Variants in TBC1D31 observed in about 807,000 individuals in gnomAD.
TBC1D31 encodes the protein TBC1 domain family member 31.
Under a neutral mutation model 132.9 loss-of-function variants are expected in TBC1D31, and 99 were observed. The observed-to-expected ratio is 0.74, with a 90% CI of 0.63 to 0.88. The LOEUF (loss-of-function observed/expected upper bound fraction) is 0.88, where lower values mean the gene tolerates loss of function less well. TBC1D31 is among the 40% of genes least tolerant of loss of function. TBC1D31 has a pLI of 0.00. For missense variants in TBC1D31, 1,134 were observed against 1,256.6 expected (o/e 0.90, Z 1.48); for synonymous variants, 385 against 419.4 (o/e 0.92, Z 1.00).
At chr8:123,120,915 T>C (rs929456581) in intron 11 of TBC1D31, among the ~76,000 whole-genome samples, 3 of 152,042 alleles carry the variant, frequency 2.0e-5, no homozygotes, top group Non-Finnish European at 4.4e-5. Flanking sequence ...AATGTGCATG[T>C]ACTAGTTTAA....
intron 10 of TBC1D31, among the ~76,000 whole-genome samples, chr8:123,112,002 C>T (rs767288723): frequency 2.0e-5 from 3 of 152,098 alleles, no homozygotes; most frequent in Non-Finnish European, 4.4e-5. Flanking sequence ...AGGTATGCAC[C>T]GCCATGCCTG....
At chr8:123,139,122 T>TG (rs1490211625) in intron 17 of TBC1D31, among the ~76,000 whole-genome samples, 1 of 151,856 alleles carries the variant, frequency 6.6e-6, no homozygotes, top group Non-Finnish European at 1.5e-5. Context: ...TTTCTTGTTT[T>TG]TTTTTTTTTT....
intron 4 of TBC1D31, among the ~76,000 whole-genome samples, chr8:123,087,365 G>A (rs909671758): frequency 7.2e-5 from 11 of 151,984 alleles, no homozygotes; most frequent in African/African-American, 2.7e-4. Context: ...TAATTTCTAG[G>A]TTATTAACAT....
chr8:123,119,482 G>A lies in TBC1D31; in HGVS notation c.1437-573G>A, dbSNP rs138802280. Among the ~76,000 whole-genome samples, 462 of 152,276 alleles carry A rather than the reference G, an allele frequency of 3.0e-3. 1 individual carries two copies. Among genetic ancestry groups the A allele is most frequent in the African/African-American group, 1.0e-2 (414 of 41,548 alleles). On this transcript the variant is annotated intron_variant, in intron 10 of 21. Coordinates refer to ENST00000287380, the MANE Select transcript of TBC1D31 (RefSeq NM_145647.4). ...TCCCAGCACTTTGGGAAGCTGAGGCGGGAAGATCGCTTGAGCCCAGGAGTT... is the reference window on the plus strand; with the variant it reads ...TCCCAGCACTTTGGGAAGCTGAGGCAGGAAGATCGCTTGAGCCCAGGAGTT...
At chr8:123,075,710 A>T (rs1814439810) in intron 1 of TBC1D31, among the ~76,000 whole-genome samples, 1 of 152,158 alleles carries the variant, frequency 6.6e-6, no homozygotes, top group African/African-American at 2.4e-5. Context: ...CTCAAAAAAA[A>T]AAATAAAACA....
chr8:123,161,234 C>T, the TBC1D31 span, among the ~76,000 whole-genome samples: 1 of 152,208 alleles, frequency 6.6e-6, no homozygotes, highest in African/African-American at 2.4e-5. Flanking sequence ...GCCCTCAGGC[C>T]CCTCTGTAGA....
At chr8:123,100,257 C>G (rs1460031841) in intron 6 of TBC1D31, among the ~76,000 whole-genome samples, 1 of 152,104 alleles carries the variant, frequency 6.6e-6, no homozygotes, top group Non-Finnish European at 1.5e-5. Context: ...TCAACATGAG[C>G]CATAAGTTGT....
chr8:123,159,313 CA>C, the TBC1D31 span, among the ~76,000 whole-genome samples: 2 of 150,790 alleles, frequency 1.3e-5, no homozygotes, highest in African/African-American at 4.9e-5. Flanking sequence ...GGAAACAACC[CA>C]AGTGTACAAC....
At chr8:123,106,214 C>A (rs1426505904) in intron 8 of TBC1D31, among the ~76,000 whole-genome samples, 1 of 152,154 alleles carries the variant, frequency 6.6e-6, no homozygotes, top group Non-Finnish European at 1.5e-5. Flanking sequence ...TCAGAAAAAA[C>A]AATTCATAAG....
chr8:123,084,225 A>C lies in TBC1D31; in HGVS notation c.404A>C (p.His135Pro). 6.2e-7 allele frequency: 1 copy of C among 1,614,192 alleles called. No individual in the cohort carries two copies. Among genetic ancestry groups the C allele is most frequent in the Non-Finnish European group, 8.5e-7 (1 of 1,180,014 alleles). The change falls in exon 4 of 22, where the codon CAT becomes CCT. Residue 135 changes from histidine to proline, a missense_variant. Transcript: ENST00000287380. ...HESSVFSISVHASGKYAITTS... is the reference protein window; with the variant it reads ...HESSVFSISVPASGKYAITTS... The stretch of plus-strand genomic sequence containing the variant: ...TCATCAGTATTTTCGATCTCTGTGC[A>C]TGCATCAGGGAAATATGCCATCACA...
At chr8:123,093,237 C>T (rs1816520658) in intron 4 of TBC1D31, among the ~76,000 whole-genome samples, 1 of 152,124 alleles carries the variant, frequency 6.6e-6, no homozygotes, top group Admixed American at 6.5e-5. Flanking sequence ...GTGTGAGCCA[C>T]CACACCTGAC....
At chr8:123,089,019 G>A (rs559286565) in intron 4 of TBC1D31, among the ~76,000 whole-genome samples, 1 of 152,292 alleles carries the variant, frequency 6.6e-6, no homozygotes, top group South Asian at 2.1e-4. Context: ...GGAAAAAATA[G>A]TAAACAATAC....
intron 8 of TBC1D31, among the ~76,000 whole-genome samples, chr8:123,106,056 A>C (rs1389552495): frequency 2.0e-5 from 3 of 152,146 alleles, no homozygotes; most frequent in Non-Finnish European, 4.4e-5. Flanking sequence ...AGTATTTGAG[A>C]GTTCTAGTTG....
At chr8:123,124,093 G>A (rs1819776416) in intron 11 of TBC1D31, among the ~76,000 whole-genome samples, 1 of 149,642 alleles carries the variant, frequency 6.7e-6, no homozygotes, top group Non-Finnish European at 1.5e-5. Flanking sequence ...AGTTGCAACT[G>A]TTTTGTTGAC....
the TBC1D31 span, among the ~76,000 whole-genome samples, chr8:123,162,017 C>CAAAAA: frequency 1.8e-4 from 14 of 76,084 alleles, no homozygotes; most frequent in African/African-American, 2.6e-4. Context: ...GAGTCCGACT[C>CAAAAA]AAAAAAAAAA....
intron 5 of TBC1D31, among the ~76,000 whole-genome samples, chr8:123,095,677 T>G (rs1474081492): frequency 6.6e-6 from 1 of 152,228 alleles, no homozygotes; most frequent in Non-Finnish European, 1.5e-5. Flanking sequence ...ATCCTTTTAC[T>G]ACAACTCCAG....
At chr8:123,108,942 A>G (rs1249653980) in intron 8 of TBC1D31, among the ~76,000 whole-genome samples, 1 of 152,154 alleles carries the variant, frequency 6.6e-6, no homozygotes, top group South Asian at 2.1e-4. Flanking sequence ...TATCATGAGA[A>G]CAGCATGGGG....
chr8:123,117,432 A>G (rs1819028762), intron 10 of TBC1D31, among the ~76,000 whole-genome samples: 1 of 152,150 alleles, frequency 6.6e-6, no homozygotes, highest in African/African-American at 2.4e-5. Flanking sequence ...AACTCAGCAG[A>G]TAACAGCTTA....
rs559520870 is a variant in TBC1D31 at position 123,101,485 on chromosome 8, G to C, written c.1032+478G>C. 7.9e-5 allele frequency among the ~76,000 whole-genome samples: 12 copies of C among 152,138 alleles called. No homozygotes were observed. The South Asian group carries it at 2.5e-3, about 32-fold the overall frequency. On this transcript the variant is annotated intron_variant, in intron 7 of 21. Coordinates refer to ENST00000287380, the MANE Select transcript of TBC1D31 (RefSeq NM_145647.4). ...GCTGGAGTGCAATGGTGCGATCTTGGCTCATTGCAACCTCTGCCTCCTGGG... is the reference window on the plus strand; with the variant it reads ...GCTGGAGTGCAATGGTGCGATCTTGCCTCATTGCAACCTCTGCCTCCTGGG...
Sources: allele counts gnomAD v4.1 joint callset (sites outside exome capture counted in the v4.1 genomes callset), GRCh38; gene constraint gnomAD v4.1.1; transcripts MANE v1.5; gene names NCBI Gene and HGNC (gene_info 2026-07-23, HGNC 2026-07-21).